The following PTPRG variants were observed in gnomAD, a reference collection of about 807,000 sequenced individuals.
PTPRG encodes the protein protein tyrosine phosphatase receptor type G, also known as receptor-type tyrosine-protein phosphatase gamma.
PTPRG carries 102 observed loss-of-function variants against 165.3 expected under a neutral mutation model. That is an observed-to-expected ratio of 0.62 (90% CI 0.53 to 0.73). The LOEUF (loss-of-function observed/expected upper bound fraction) is 0.73. PTPRG is among the 30% of genes least tolerant of loss of function. The pLI is 0.00. For missense variants in PTPRG, 1,866 were observed against 1,861.4 expected, an observed-to-expected ratio of 1.00 and a Z score of -0.05; for synonymous variants, 675 against 669.5, an observed-to-expected ratio of 1.01 and a Z score of -0.13.
Position 61,582,721 on chromosome 3 carries a change from C to T in PTPRG, c.85+20349C>T, listed in dbSNP as rs1018622100. Among the ~76,000 whole-genome samples the T allele has an allele frequency of 7.2e-5, 11 of 152,162 alleles. No homozygotes were observed. In the East Asian group the frequency reaches 9.7e-4, roughly 13 times the overall value. On this transcript the variant is annotated intron_variant, in intron 1 of 29. Coordinates refer to ENST00000474889, the MANE Select transcript of PTPRG (RefSeq NM_002841.4). ...TGAATGCCTGAGATGTCCAGTGGGA[C>T]GTTATGATTTTTAACTATTAGGGAG...
chr3:61,757,726 G>T (rs1207284033), intron 2 of PTPRG, among the ~76,000 whole-genome samples: 1 of 152,166 alleles, frequency 6.6e-6, no homozygotes, highest in Non-Finnish European at 1.5e-5. Context: ...TCAACACAAG[G>T]CATACAGAAG....
chr3:61,781,135 C>T (rs539840131), intron 2 of PTPRG, among the ~76,000 whole-genome samples: 7 of 152,242 alleles, frequency 4.6e-5, no homozygotes, highest in African/African-American at 1.7e-4. Context: ...CAGTGATGGC[C>T]TCTGTAGGAG....
chr3:61,801,035 G>T (rs764256316), intron 2 of PTPRG, among the ~76,000 whole-genome samples: 5 of 152,166 alleles, frequency 3.3e-5, no homozygotes, highest in African/African-American at 4.8e-5. Flanking sequence ...TGAAGCCCCT[G>T]CCCTGGCACC....
At chr3:62,042,979 C>T (rs1482661786) in intron 4 of PTPRG, among the ~76,000 whole-genome samples, 1 of 152,152 alleles carries the variant, frequency 6.6e-6, no homozygotes, top group African/African-American at 2.4e-5. Flanking sequence ...TACAATTAAG[C>T]ACACGTAGTA....
chr3:61,566,744 T>G (rs1699924434), intron 1 of PTPRG, among the ~76,000 whole-genome samples: 1 of 152,188 alleles, frequency 6.6e-6, no homozygotes, highest in African/African-American at 2.4e-5. Context: ...TGACCTCAGG[T>G]GCTCTGCCCA....
intron 1 of PTPRG, among the ~76,000 whole-genome samples, chr3:61,709,439 C>T (rs1339432618): frequency 2.0e-5 from 3 of 152,066 alleles, no homozygotes; most frequent in South Asian, 2.1e-4. Flanking sequence ...CTCACCCTTC[C>T]GAATAGCTGG....
chr3:61,985,524 A>G (rs1297818743), intron 2 of PTPRG, among the ~76,000 whole-genome samples: 1 of 152,178 alleles, frequency 6.6e-6, no homozygotes, highest in Non-Finnish European at 1.5e-5. Context: ...CCTTACAGCT[A>G]CCCTTTGGTA....
chr3:62,169,441 G>T (rs1324278227), intron 8 of PTPRG, among the ~76,000 whole-genome samples: 1 of 151,958 alleles, frequency 6.6e-6, no homozygotes, highest in Non-Finnish European at 1.5e-5. Context: ...ATAAACATAA[G>T]TTTATCATTT....
At chr3:62,006,238 A>G (rs538823534) in intron 4 of PTPRG, among the ~76,000 whole-genome samples, 18 of 152,316 alleles carry the variant, frequency 1.2e-4, no homozygotes, top group Non-Finnish European at 2.1e-4. Flanking sequence ...GATTTCTAAA[A>G]ATGTGATAAC....
chr3:62,080,398 T>C (rs1701531079), intron 5 of PTPRG, among the ~76,000 whole-genome samples: 1 of 152,022 alleles, frequency 6.6e-6, no homozygotes, highest in African/African-American at 2.4e-5. Flanking sequence ...TAAACTGTGA[T>C]TGGTTTGTGT....
At chr3:61,742,359 C>T (rs1385734276) in intron 1 of PTPRG, 1 of 872,712 alleles carries the variant, frequency 1.1e-6, no homozygotes, top group Non-Finnish European at 1.7e-6. Context: ...GTAGGTGACT[C>T]TTAGGACATT....
At chr3:61,671,890 G>GA (rs1294761900) in intron 1 of PTPRG, among the ~76,000 whole-genome samples, 2 of 144,818 alleles carry the variant, frequency 1.4e-5, no homozygotes, top group African/African-American at 5.1e-5. Flanking sequence ...CTGGATGGGC[G>GA]GGGGGGGCTG....
chr3:62,002,054 A>G (rs527862476), intron 3 of PTPRG, among the ~76,000 whole-genome samples: 2 of 152,338 alleles, frequency 1.3e-5, no homozygotes, highest in East Asian at 3.9e-4. Context: ...TTGCTGTTCT[A>G]CTAATTGAGC....
At position 62,273,193 on chromosome 3, in the gene PTPRG, C is replaced by T; in HGVS notation, c.3318+112C>T. ...TTCTTTTAGGGCTTGCAGTAATTTA[C>T]AGGTTTGTATTAGAAGATATTCTGA... is the stretch of plus-strand genomic sequence containing the variant. On this transcript the variant is annotated intron_variant, in intron 22 of 29. Coordinates refer to ENST00000474889, the MANE Select transcript of PTPRG (RefSeq NM_002841.4). This position sits in a 1 kb window ranked among gnomAD's most constrained non-coding sequence, Gnocchi z 4.1. The T allele has an allele frequency of 3.3e-6, 4 of 1,226,670 alleles. No homozygotes were observed. Among genetic ancestry groups the T allele is most frequent in the Non-Finnish European group, 4.4e-6 (4 of 903,498 alleles). 76.0% of individuals were successfully genotyped at this position (1,226,670 alleles called of 1,614,324 possible).
rs183580990 is a variant in PTPRG at position 62,200,561 on chromosome 3, G to A, written c.1328-944G>A. 1.4e-3 allele frequency among the ~76,000 whole-genome samples: 219 copies of A among 152,216 alleles called. 2 individuals are homozygous for A. The highest frequency in any genetic ancestry group is 3.1e-4 in the Non-Finnish European group (21 of 68,036). ...TAGGATTACAGGCTTGAGCCACTGT[G>A]CCTGGCCATTTTGTTAAACTTTAAG... On this transcript the variant is annotated intron_variant, in intron 10 of 29. Coordinates refer to ENST00000474889, the MANE Select transcript of PTPRG (RefSeq NM_002841.4).
At chr3:61,743,230 C>A (rs2033071776) in intron 1 of PTPRG, 1 of 677,296 alleles carries the variant, frequency 1.5e-6, no homozygotes, top group Admixed American at 2.1e-5. Context: ...TTTATGGAAA[C>A]TCCCTGATGA....
intron 2 of PTPRG, among the ~76,000 whole-genome samples, chr3:61,763,705 C>T (rs2033930393): frequency 6.6e-6 from 1 of 152,064 alleles, no homozygotes; most frequent in Non-Finnish European, 1.5e-5. Flanking sequence ...AACCCCATGG[C>T]ACTTAATAAA....
intron 2 of PTPRG, among the ~76,000 whole-genome samples, chr3:61,800,660 GT>G (rs113285798): frequency 6.3e-4 from 87 of 138,718 alleles, no homozygotes; most frequent in Middle Eastern, 7.5e-3. Context: ...ACGGTACTCT[GT>G]TTTTTTTTTT....
intron 4 of PTPRG, among the ~76,000 whole-genome samples, chr3:62,031,789 G>A (rs1361980073): frequency 6.6e-6 from 1 of 152,182 alleles, no homozygotes; most frequent in Non-Finnish European, 1.5e-5. Context: ...TAGTTATGGA[G>A]AGAAGATAGA....
Sources: allele counts gnomAD v4.1 joint callset (sites outside exome capture counted in the v4.1 genomes callset), GRCh38; gene constraint gnomAD v4.1.1; non-coding constraint Gnocchi (gnomAD v3.1); transcripts MANE v1.5; gene names NCBI Gene and HGNC (gene_info 2026-07-23, HGNC 2026-07-21).